UIMC1: variants seen among roughly 807,000 people sequenced by gnomAD.
The protein encoded by UIMC1 is BRCA1-A complex subunit RAP80.
A neutral mutation model predicts 84.9 loss-of-function variants in UIMC1; 42 were observed. That is an observed-to-expected ratio of 0.49 (90% confidence interval 0.39 to 0.64). The LOEUF is 0.64. Among genes scored for constraint, UIMC1 ranks in the 30% least tolerant of loss-of-function variants. UIMC1 has a pLI of 0.00. For synonymous variants in UIMC1, 281 were observed against 293.0 expected, an observed-to-expected ratio of 0.96 and a Z score of 0.42; for missense variants, 825 against 847.6, an observed-to-expected ratio of 0.97 and a Z score of 0.33.
intron 10 of UIMC1, among the ~76,000 whole-genome samples, chr5:176,923,143 G>A (rs1000122813): frequency 5.3e-5 from 8 of 152,156 alleles, no homozygotes; most frequent in African/African-American, 1.7e-4. Context: ...ACATAATCAC[G>A]TAAGATGTTT....
chr5:176,918,191 C>T (rs1761258975), intron 10 of UIMC1, among the ~76,000 whole-genome samples: 1 of 152,224 alleles, frequency 6.6e-6, no homozygotes, highest in Admixed American at 6.5e-5. Context: ...CTCTGGCATA[C>T]CTCTTCAACT....
At position 176,988,467 on chromosome 5, in the gene UIMC1, G is replaced by C. The variant is rs115634601; in HGVS notation, c.-8-5844C>G. ...CTATTTATAAGAAACATCCAGAATA[G>C]GCAAATCCATAGGCAGAAAGCAGAT... On this transcript the variant is annotated intron_variant, in intron 1 of 14. Coordinates refer to ENST00000511320, the MANE Select transcript of UIMC1 (RefSeq NM_001199298.2). Among the ~76,000 whole-genome samples the C allele has an allele frequency of 2.2e-3, 335 of 152,212 alleles. 1 individual carries two copies. The highest frequency in any genetic ancestry group is 7.7e-3 in the African/African-American group (320 of 41,522).
chr5:176,929,786 A>G (rs1188132199), intron 10 of UIMC1, among the ~76,000 whole-genome samples: 2 of 152,228 alleles, frequency 1.3e-5, no homozygotes, highest in African/African-American at 4.8e-5. Flanking sequence ...TACCAAAGAT[A>G]AACTAGCCAC....
intron 9 of UIMC1, among the ~76,000 whole-genome samples, chr5:176,949,619 C>G (rs141495038): frequency 6.6e-6 from 1 of 152,334 alleles, no homozygotes; most frequent in Non-Finnish European, 1.5e-5. Context: ...CCTACCACCA[C>G]TGGCATTAGG....
intron 1 of UIMC1, among the ~76,000 whole-genome samples, chr5:177,011,862 A>G (rs1437879141): frequency 1.3e-5 from 2 of 151,034 alleles, no homozygotes; most frequent in Non-Finnish European, 2.9e-5. Flanking sequence ...GTGCAGTGGC[A>G]CAATCTCAGC....
In UIMC1 at chr5:176,951,525, T is replaced by C. The variant is rs2149454925; in HGVS notation, c.1392A>G (p.Pro464=). The change falls in exon 9 of 15, where the codon CCA becomes CCG. Residue 464 remains proline, a synonymous_variant. Transcript: ENST00000511320. ...CTCCATCCAAGATATCTCTGCTACC[T>C]GGAGAGACTTCTCTTTCAAGGTCAA... is the stretch of plus-strand genomic sequence containing the variant. ...ETFDLEREVS[P]GSRDILDGVR... is the part of the protein sequence containing the mutation. 1 of 1,588,486 alleles carries C rather than the reference T, an allele frequency of 6.3e-7. No individual in the cohort carries two copies. The highest frequency in any genetic ancestry group is 8.6e-7 in the Non-Finnish European group (1 of 1,169,008).
chr5:176,908,930 C>T (rs960478766), intron 11 of UIMC1, among the ~76,000 whole-genome samples: 2 of 152,244 alleles, frequency 1.3e-5, no homozygotes, highest in African/African-American at 4.8e-5. Context: ...GCTGTTGCAG[C>T]AGTGGGATGG....
In UIMC1 at chr5:177,006,771, G is replaced by C. The variant is rs1381233904; in HGVS notation, c.-130C>G. 2 of 152,192 alleles carry C rather than the reference G, an allele frequency of 1.3e-5. No individual in the cohort carries two copies. The highest frequency in any genetic ancestry group is 2.4e-5 in the African/African-American group (1 of 41,462). The allele number at this position is 152,192 out of a possible 1,614,324, so 9.4% of individuals were successfully genotyped here. On this transcript the variant is annotated 5_prime_UTR_variant, in exon 1 of 15. Coordinates refer to ENST00000511320, the MANE Select transcript of UIMC1 (RefSeq NM_001199298.2). ...CGTCCGATGCCAGAGACACGCTCTC[G>C]GGGCGGGCGCAGGCGCAGCGCGCGG...
intron 1 of UIMC1, among the ~76,000 whole-genome samples, chr5:176,996,899 C>T (rs1773687658): frequency 6.6e-6 from 1 of 152,234 alleles, no homozygotes; most frequent in African/African-American, 2.4e-5. Context: ...TGAAATAAGA[C>T]AGCCATAGGA....
At chr5:176,905,552 T>C in intron 14 of UIMC1, 60 bp from the exon 15 acceptor site, 2 of 1,469,592 alleles carry the variant, frequency 1.4e-6, no homozygotes, top group Non-Finnish European at 1.9e-6. Flanking sequence ...AAGGACATGC[T>C]ATGCACTGTA....
intron 1 of UIMC1, among the ~76,000 whole-genome samples, chr5:177,017,009 G>A (rs1775688056): frequency 6.6e-6 from 1 of 152,208 alleles, no homozygotes; most frequent in East Asian, 1.9e-4. Context: ...GGTGACAAGT[G>A]TGAACCTCTG....
rs150886595 is a variant in UIMC1 at position 176,906,317 on chromosome 5, G to A, written c.1913-270C>T. The A allele has an allele frequency of 9.4e-4, 407 of 431,764 alleles. 1 individual carries two copies. The highest frequency in any genetic ancestry group is 7.0e-3 in the South Asian group (215 of 30,694). 26.7% of individuals were successfully genotyped at this position (431,764 alleles called of 1,614,324 possible). A position where few individuals can be genotyped will look rare whatever the true frequency, so the allele number is the denominator to read the frequency against. ...CTTGAGGAACAAGGAAGTTGCCAAG[G>A]GAAATCTGCCACCTGCAGAGATTCA... On this transcript the variant is annotated intron_variant, in intron 13 of 14. Coordinates refer to ENST00000511320, the MANE Select transcript of UIMC1 (RefSeq NM_001199298.2).
chr5:176,991,191 A>G (rs1772790768), intron 1 of UIMC1, among the ~76,000 whole-genome samples: 1 of 151,528 alleles, frequency 6.6e-6, no homozygotes, highest in Non-Finnish European at 1.5e-5. Flanking sequence ...TTGCATTTTT[A>G]GTAGAGATGG....
intron 8 of UIMC1, among the ~76,000 whole-genome samples, chr5:176,952,046 G>C (rs1025547049): frequency 2.0e-5 from 3 of 152,172 alleles, no homozygotes; most frequent in Non-Finnish European, 4.4e-5. Flanking sequence ...ATGTGTCTGA[G>C]ATGGACCCAT....
chr5:176,956,745 G>C (rs1766653089), intron 7 of UIMC1, among the ~76,000 whole-genome samples: 1 of 151,630 alleles, frequency 6.6e-6, no homozygotes. Flanking sequence ...GTTTGATCAA[G>C]TATGCAAGAG....
chr5:176,987,453 C>G (rs958332893), intron 1 of UIMC1, among the ~76,000 whole-genome samples: 2 of 151,910 alleles, frequency 1.3e-5, no homozygotes, highest in Non-Finnish European at 2.9e-5. Flanking sequence ...TGAGACCAGC[C>G]TGGCCAACAT....
intron 1 of UIMC1, among the ~76,000 whole-genome samples, chr5:177,003,205 A>C (rs1774788475): frequency 6.6e-6 from 1 of 152,164 alleles, no homozygotes; most frequent in African/African-American, 2.4e-5. Context: ...ATACCCACAC[A>C]CACACACATA....
Position 176,905,395 on chromosome 5 carries a change from CA to C in UIMC1, c.2046del (p.Phe682LeufsTer11). 6.2e-7 allele frequency: 1 copy of C among 1,614,116 alleles called. No homozygotes were observed. Among genetic ancestry groups the C allele is most frequent in the East Asian group, 2.2e-5 (1 of 44,884 alleles). On this transcript the variant is annotated frameshift_variant, in exon 15 of 15. Transcript: ENST00000511320. LOFTEE classifies it high-confidence loss of function. ...CAATCTGTGGCTTCTGAAATGGAAA[CA>C]AAAGACTTGACGGGAGATTCATTTA... ...RDLNESPVKS[F>X]VSISEATDCL... is the part of the protein sequence containing the mutation.
At chr5:176,936,863 C>T (rs1459147844) in intron 10 of UIMC1, among the ~76,000 whole-genome samples, 4 of 152,102 alleles carry the variant, frequency 2.6e-5, no homozygotes, top group Non-Finnish European at 5.9e-5. Context: ...TCCCTATTCC[C>T]CTCTCCCTCT....
Sources: gnomAD v4.1 joint callset for allele counts (sites outside exome capture counted in the v4.1 genomes callset) on GRCh38, gnomAD v4.1.1 for gene constraint, MANE v1.5 for transcripts, NCBI Gene and HGNC (gene_info 2026-07-23, HGNC 2026-07-21) for gene names.